CDC42EP5: variants seen among roughly 807,000 people sequenced by gnomAD.
CDC42EP5 encodes CDC42 effector protein 5, also known as CDC42 effector protein (Rho GTPase binding) 5.
For synonymous variants in CDC42EP5, 118 were observed against 123.3 expected (o/e 0.96, Z 0.28); for missense variants, 269 against 238.0 (o/e 1.13, Z -0.86).
At chr19:54,469,709 C>T (rs2084809483) in intron 2 of CDC42EP5, among the ~76,000 whole-genome samples, 1 of 152,196 alleles carries the variant, frequency 6.6e-6, no homozygotes, top group African/African-American at 2.4e-5. Flanking sequence ...GGATCATTCT[C>T]CCAGTGTTCC....
At chr19:54,471,479 C>G (rs1409169115) in intron 2 of CDC42EP5, 66 bp downstream of exon 2, 1 of 151,956 alleles carries the variant, frequency 6.6e-6, no homozygotes, top group Non-Finnish European at 1.5e-5. Context: ...TGGCTGCGGC[C>G]GGGAATTCAG....
chr19:54,465,569 C>A (rs1472726848), intron 2 of CDC42EP5, 22 bp from the exon 3 acceptor site: 1 of 1,460,764 alleles, frequency 6.8e-7, no homozygotes, highest in African/African-American at 1.5e-5. Context: ...ACGGGAGGGT[C>A]AGCGCGGCCC....
intron 2 of CDC42EP5, among the ~76,000 whole-genome samples, chr19:54,465,803 T>C (rs2084749972): frequency 6.6e-6 from 1 of 152,008 alleles, no homozygotes; most frequent in Admixed American, 6.5e-5. Flanking sequence ...ACCCAGCCAA[T>C]TTTTGTATTT....
rs1412368841 is a variant in CDC42EP5, at chr19:54,465,216, C to T, written c.332G>A (p.Arg111His). 8 of 1,439,960 alleles carry T rather than the reference C, an allele frequency of 5.6e-6. No homozygotes were observed. The East Asian group carries it at 1.5e-4, about 27-fold the overall frequency. The allele number at this position is 1,439,960 out of a possible 1,614,324, so 89.2% of individuals were successfully genotyped here. ...GGGCTTGGCGGCAGCCGCCTCCGGGCGCGCCGCGTCCATGACGCCCAGCAC... is the reference window on the plus strand; with the variant it reads ...GGGCTTGGCGGCAGCCGCCTCCGGGTGCGCCGCGTCCATGACGCCCAGCAC... ...DAVLGVMDAA[R>H]PEAAAAKPDA... is the part of the protein sequence containing the mutation. The change falls in exon 3 of 3, where the codon CGC becomes CAC. Residue 111 changes from arginine to histidine, a missense_variant. Coordinates refer to ENST00000301200, the MANE Select transcript of CDC42EP5 (RefSeq NM_145057.4).
chr19:54,465,348 G>GC lies in CDC42EP5; in HGVS notation c.199dup (p.Ala67GlyfsTer?). 1 of 1,159,624 alleles carries GC rather than the reference G, an allele frequency of 8.6e-7. No individual in the cohort carries two copies. Among genetic ancestry groups the GC allele is most frequent in the Non-Finnish European group, 1.1e-6 (1 of 941,406 alleles). The allele number at this position is 1,159,624 out of a possible 1,614,324, so 71.8% of individuals were successfully genotyped here. A position where few individuals can be genotyped will look rare whatever the true frequency, so the allele number is the denominator to read the frequency against. ...GGCGGGCGGCGGCGGGGAGCGCGGG[G>GC]CCCCCGCGGGGGGCGCCCGGGGCTC... On this transcript the variant is annotated frameshift_variant, in exon 3 of 3. Coordinates refer to ENST00000301200, the MANE Select transcript of CDC42EP5 (RefSeq NM_145057.4). LOFTEE classifies it low-confidence loss of function (END_TRUNC).
intron 2 of CDC42EP5, among the ~76,000 whole-genome samples, chr19:54,470,848 AAAT>A (rs1480672340): frequency 6.6e-6 from 1 of 152,126 alleles, no homozygotes; most frequent in African/African-American, 2.4e-5. Flanking sequence ...ATGAGAAAAA[AAAT>A]AATAATGTTC....
chr19:54,465,766 G>A (rs1248650234), intron 2 of CDC42EP5, among the ~76,000 whole-genome samples: 1 of 152,186 alleles, frequency 6.6e-6, no homozygotes, highest in Admixed American at 6.5e-5. Context: ...CTCCCGAGTA[G>A]CTGGGATTAC....
Position 54,465,079 on chromosome 19 carries a change from A to G in CDC42EP5, c.*22T>C. On this transcript the variant is annotated 3_prime_UTR_variant, in exon 3 of 3. Coordinates refer to ENST00000301200, the MANE Select transcript of CDC42EP5 (RefSeq NM_145057.4). ...TACAGAAGTGGGGTGCCGGGCGGGAAGGGCGCGGGGAATGAGGGAACCTAG... is the reference window on the plus strand; with the variant it reads ...TACAGAAGTGGGGTGCCGGGCGGGAGGGGCGCGGGGAATGAGGGAACCTAG... 1.5e-6 allele frequency: 2 copies of G among 1,308,856 alleles called. No individual in the cohort carries two copies. The highest frequency in any genetic ancestry group is 1.9e-6 in the Non-Finnish European group (2 of 1,027,396). The allele number at this position is 1,308,856 out of a possible 1,614,324, so 81.1% of individuals were successfully genotyped here. A position where few individuals can be genotyped will look rare whatever the true frequency, so the allele number is the denominator to read the frequency against.
rs1202062334 is a variant in CDC42EP5 at position 54,465,139 on chromosome 19, TG to T, written c.408del (p.Asn137ThrfsTer6). 4 of 1,394,860 alleles carry T rather than the reference TG, an allele frequency of 2.9e-6. No individual in the cohort carries two copies. The highest frequency in any genetic ancestry group is 1.6e-5 in the South Asian group (1 of 60,754). The allele number at this position is 1,394,860 out of a possible 1,614,324, so 86.4% of individuals were successfully genotyped here. A position where few individuals can be genotyped will look rare whatever the true frequency, so the allele number is the denominator to read the frequency against. On this transcript the variant is annotated frameshift_variant, in exon 3 of 3. Transcript: ENST00000301200. LOFTEE classifies it high-confidence loss of function. The part of the protein sequence containing the change: ...GTQPPQARCR[P>X]NADLELNDVI... The stretch of plus-strand genomic sequence containing the variant: ...ACGTCGTTCAGCTCGAGGTCCGCGT[TG>T]GGGCGGCAGCGGGCCTGGGGGGGCT...
At chr19:54,467,805 G>A (rs374312808) in intron 2 of CDC42EP5, among the ~76,000 whole-genome samples, 44 of 152,308 alleles carry the variant, frequency 2.9e-4, no homozygotes, top group African/African-American at 1.0e-3. Flanking sequence ...ATACAGGCAT[G>A]AGCCACCACG....
intron 2 of CDC42EP5, among the ~76,000 whole-genome samples, chr19:54,470,195 A>T (rs900155437): frequency 6.6e-6 from 1 of 151,698 alleles, no homozygotes; most frequent in Non-Finnish European, 1.5e-5. Flanking sequence ...AAGTGAGATG[A>T]TCTCTCTACA....
rs2084838526 is a variant in CDC42EP5 at position 54,471,660 on chromosome 19, C to T, written c.-116G>A. ...TCTCCTAATCCCCGGCCCGCGCCTT[C>T]CTTCTTCCTCCGGGCGGGTTCTCAC... On this transcript the variant is annotated 5_prime_UTR_variant, in exon 2 of 3. Coordinates refer to ENST00000301200, the MANE Select transcript of CDC42EP5 (RefSeq NM_145057.4). The T allele has an allele frequency of 6.6e-6, 1 of 152,358 alleles. No homozygotes were observed. Among genetic ancestry groups the T allele is most frequent in the Non-Finnish European group, 1.5e-5 (1 of 68,158 alleles). 9.4% of individuals were successfully genotyped at this position (152,358 alleles called of 1,614,324 possible).
intron 2 of CDC42EP5, among the ~76,000 whole-genome samples, chr19:54,467,759 G>A (rs1376480431): frequency 1.3e-5 from 2 of 152,112 alleles, no homozygotes; most frequent in Non-Finnish European, 2.9e-5. Context: ...ATGACTTCAG[G>A]TGATCCGCCT....
Position 54,470,376 on chromosome 19 carries a change from A to C in CDC42EP5, c.-1+1169T>G, listed in dbSNP as rs921613326. 1.9e-4 allele frequency among the ~76,000 whole-genome samples: 21 copies of C among 111,508 alleles called. 2 individuals carry two copies. The highest frequency in any genetic ancestry group is 5.6e-4 in the African/African-American group (21 of 37,400). The allele number at this position is 111,508 out of a possible 152,430, so 73.2% of individuals were successfully genotyped here. Reference sequence around the variant, plus strand: ...AACAGAAAGAGACCCTGTCTCAAGAAGAAAAGAAAAGAAAAGGAGAGAGAG... The same window carrying C: ...AACAGAAAGAGACCCTGTCTCAAGACGAAAAGAAAAGAAAAGGAGAGAGAG... On this transcript the variant is annotated intron_variant, in intron 2 of 2. Transcript: ENST00000301200.
At chr19:54,465,590 C>A in intron 2 of CDC42EP5, 43 bp from the exon 3 acceptor site, 3 of 1,410,308 alleles carry the variant, frequency 2.1e-6, no homozygotes, top group Non-Finnish European at 2.7e-6. Context: ...CAGCCCGGGG[C>A]TCGCAGCCAC....
At chr19:54,471,870 A>AC (rs1213650875) in intron 1 of CDC42EP5, among the ~76,000 whole-genome samples, 185 bp from the exon 2 acceptor site, 1 of 118,186 alleles carries the variant, frequency 8.5e-6, no homozygotes, top group Non-Finnish European at 1.8e-5. Flanking sequence ...AGGGGTCAAG[A>AC]CCCCCCAGCC....
chr19:54,469,447 G>A (rs1035767974), intron 2 of CDC42EP5, among the ~76,000 whole-genome samples: 7 of 152,182 alleles, frequency 4.6e-5, no homozygotes, highest in African/African-American at 1.4e-4. Context: ...GTGGGTCAGA[G>A]GTGAAAAAGT....
chr19:54,465,161 G>A lies in CDC42EP5; in HGVS notation c.387C>T (p.Pro129=). The A allele has an allele frequency of 1.4e-6, 2 of 1,410,710 alleles. No individual in the cohort carries two copies. The highest frequency in any genetic ancestry group is 1.6e-5 in the South Asian group (1 of 64,338). 87.4% of individuals were successfully genotyped at this position (1,410,710 alleles called of 1,614,324 possible). A position where few individuals can be genotyped will look rare whatever the true frequency, so the allele number is the denominator to read the frequency against. Residue 129 remains proline (P), a synonymous_variant, in exon 3 of 3, where the codon CCC becomes CCT. Coordinates refer to ENST00000301200, the MANE Select transcript of CDC42EP5 (RefSeq NM_145057.4). ...PDAEPRPGTQ[P]PQARCRPNAD... ...CGTTGGGGCGGCAGCGGGCCTGGGG[G>A]GGCTGCGTCCCGGGGCGGGGTTCCG...
At chr19:54,470,562 A>C (rs1802861286) in intron 2 of CDC42EP5, among the ~76,000 whole-genome samples, 1 of 152,070 alleles carries the variant, frequency 6.6e-6, no homozygotes, top group Non-Finnish European at 1.5e-5. Flanking sequence ...AAAAGAAGGA[A>C]AGAAAGAAAG....
Sources: gnomAD v4.1 joint callset for allele counts (sites outside exome capture counted in the v4.1 genomes callset) on GRCh38, gnomAD v4.1.1 for gene constraint, MANE v1.5 for transcripts, NCBI Gene and HGNC (gene_info 2026-07-23, HGNC 2026-07-21) for gene names.